Variants in RBFOX1 observed in about 807,000 individuals in gnomAD.
RBFOX1 encodes RNA binding fox-1 homolog 1.
In RBFOX1, 8 loss-of-function variants were observed where a neutral mutation model predicts 57.7. That is an observed-to-expected ratio of 0.14 (90% confidence interval 0.08 to 0.25). The LOEUF is 0.25. RBFOX1 is among the 10% of genes least tolerant of loss of function. The pLI is 1.00. For missense variants in RBFOX1, 611 were observed against 548.5 expected (o/e 1.11, Z -1.14); for synonymous variants, 326 against 222.4 (o/e 1.47, Z -4.15).
intron 5 of RBFOX1, among the ~76,000 whole-genome samples, chr16:7,532,838 A>T (rs2080459384): frequency 6.6e-6 from 1 of 152,248 alleles, no homozygotes; most frequent in South Asian, 2.1e-4. Context: ...AGCCAAAATT[A>T]TGCTTATTGT....
intron 1 of RBFOX1, among the ~76,000 whole-genome samples, chr16:5,379,297 T>C (rs1301154572): frequency 6.6e-6 from 1 of 151,562 alleles, no homozygotes; most frequent in African/African-American, 2.4e-5. Flanking sequence ...GCAGTTTTTA[T>C]CGTTTTTTTT....
intron 3 of RBFOX1, among the ~76,000 whole-genome samples, chr16:7,014,899 G>A (rs1187623367): frequency 6.6e-6 from 1 of 151,786 alleles, no homozygotes; most frequent in Non-Finnish European, 1.5e-5. Flanking sequence ...TAATTTTTTT[G>A]TATTTTTACT....
chr16:5,504,832 A>G (rs959618810), intron 2 of RBFOX1, among the ~76,000 whole-genome samples: 2 of 152,210 alleles, frequency 1.3e-5, no homozygotes, highest in African/African-American at 4.8e-5. Flanking sequence ...TGGAGCTGGC[A>G]TGAGGGCTTG....
chr16:7,410,840 T>C (rs1163635830), intron 4 of RBFOX1, among the ~76,000 whole-genome samples: 2 of 67,488 alleles, frequency 3.0e-5, no homozygotes, highest in Non-Finnish European at 8.7e-5. Context: ...CGTGTGTGTG[T>C]GTGTGTGTGT....
chr16:6,890,716 C>T (rs1044242763), intron 3 of RBFOX1, among the ~76,000 whole-genome samples: 2 of 152,132 alleles, frequency 1.3e-5, no homozygotes, highest in East Asian at 3.9e-4. Flanking sequence ...ATAGCATATT[C>T]CAAGTGGAGA....
intron 4 of RBFOX1, among the ~76,000 whole-genome samples, chr16:7,238,258 T>C (rs975321561): frequency 3.3e-5 from 5 of 152,020 alleles, no homozygotes; most frequent in Non-Finnish European, 7.4e-5. Flanking sequence ...GTTCTGGAGA[T>C]GAATGTTGGG....
chr16:7,365,969 G>A (rs928485422), intron 4 of RBFOX1, among the ~76,000 whole-genome samples: 1 of 152,192 alleles, frequency 6.6e-6, no homozygotes, highest in Non-Finnish European at 1.5e-5. Context: ...GCTAATAGAA[G>A]GTGGGTGAGA....
At chr16:6,272,009 A>G (rs1599035973) in intron 1 of RBFOX1, among the ~76,000 whole-genome samples, 1 of 152,278 alleles carries the variant, frequency 6.6e-6, no homozygotes, top group East Asian at 1.9e-4. Flanking sequence ...AGAAAAGAAA[A>G]CTGTAGACTA....
chr16:5,938,837 T>C (rs988000409), intron 4 of RBFOX1, among the ~76,000 whole-genome samples: 7 of 152,176 alleles, frequency 4.6e-5, no homozygotes, highest in Admixed American at 1.3e-4. Context: ...CTAGCCCAAA[T>C]TGCTGATTCA....
chr16:6,247,511 T>C (rs1286353620), intron 1 of RBFOX1, among the ~76,000 whole-genome samples: 1 of 152,162 alleles, frequency 6.6e-6, no homozygotes, highest in Admixed American at 6.5e-5. Context: ...GTCATTAAGA[T>C]AGTGGTAGTA....
At chr16:6,913,385 C>T (rs1438399321) in intron 3 of RBFOX1, among the ~76,000 whole-genome samples, 1 of 152,070 alleles carries the variant, frequency 6.6e-6, no homozygotes, top group Non-Finnish European at 1.5e-5. Flanking sequence ...CCAAGAGCAG[C>T]TGCTGTCTCT....
At chr16:6,038,082 GGATT>G (rs892117394) in intron 1 of RBFOX1, 5 of 151,758 alleles carry the variant, frequency 3.3e-5, no homozygotes, top group African/African-American at 1.2e-4. Context: ...TTTTGGCGGG[GGATT>G]GACTCCGCAA....
intron 2 of RBFOX1, among the ~76,000 whole-genome samples, chr16:5,498,071 G>A (rs952094847): frequency 7.9e-5 from 12 of 152,190 alleles, no homozygotes; most frequent in African/African-American, 2.9e-4. Flanking sequence ...GAGCTTGAGG[G>A]AGAGGGGGCA....
intron 4 of RBFOX1, among the ~76,000 whole-genome samples, chr16:7,053,071 C>G (rs960917020): frequency 5.9e-5 from 9 of 152,196 alleles, no homozygotes; most frequent in South Asian, 2.1e-4. Context: ...CCTTCATACA[C>G]TGCCCTGTAA....
chr16:6,440,883 G>A (rs149356257), intron 2 of RBFOX1, among the ~76,000 whole-genome samples: 1 of 151,906 alleles, frequency 6.6e-6, no homozygotes, highest in African/African-American at 2.4e-5. Flanking sequence ...ACAGTGAACA[G>A]TATGGATGAG....
At chr16:6,627,994 T>G (rs2098332688) in intron 2 of RBFOX1, among the ~76,000 whole-genome samples, 3 of 152,186 alleles carry the variant, frequency 2.0e-5, no homozygotes, top group Non-Finnish European at 4.4e-5. Flanking sequence ...ACCATGTGAT[T>G]GTTACTGCAG....
chr16:5,999,867 CAAAAAAAA>C (rs869221577), intron 4 of RBFOX1, among the ~76,000 whole-genome samples: 2 of 27,672 alleles, frequency 7.2e-5, no homozygotes, highest in African/African-American at 3.0e-4. Context: ...GACTCCACCT[CAAAAAAAA>C]AAAAAAAAAA....
chr16:7,211,085 TA>T (rs59344460), intron 4 of RBFOX1, among the ~76,000 whole-genome samples: 5,943 of 144,330 alleles, frequency 0.041, 153 homozygotes, highest in Admixed American at 0.069. Flanking sequence ...TACATACACT[TA>T]AAAAAAAAAA....
chr16:7,451,782 C>G (rs1342206177), intron 4 of RBFOX1, among the ~76,000 whole-genome samples: 1 of 147,864 alleles, frequency 6.8e-6, no homozygotes, highest in African/African-American at 2.5e-5. Flanking sequence ...AAATTTGTGT[C>G]AGCTTCAGCT....
Sources: allele counts gnomAD v4.1 joint callset (sites outside exome capture counted in the v4.1 genomes callset), GRCh38; gene constraint gnomAD v4.1.1; transcripts MANE v1.5; gene names NCBI Gene and HGNC (gene_info 2026-07-23, HGNC 2026-07-21).